Variants in CD99L2 observed in about 807,000 individuals in gnomAD.
CD99L2 encodes the protein CD99 molecule like 2.
A neutral mutation model predicts 27.3 loss-of-function variants in CD99L2; 24 were observed. That is an observed-to-expected ratio of 0.88 (90% CI 0.64 to 1.24). The LOEUF (loss-of-function observed/expected upper bound fraction) is 1.24, where lower values mean the gene tolerates loss of function less well. CD99L2 is among the 50% of genes most tolerant of loss of function. CD99L2 has a pLI of 0.00. For synonymous variants in CD99L2, 97 were observed against 87.9 expected (o/e 1.10, Z -0.58); for missense variants, 255 against 221.6 (o/e 1.15, Z -0.96).
chrX:150,859,642 C>T (rs1457146908), intron 1 of CD99L2, among the ~76,000 whole-genome samples: 1 of 108,746 alleles, frequency 9.2e-6, no homozygotes, highest in Non-Finnish European at 1.9e-5. Context: ...GGATTACAGG[C>T]ACCTGCCACC....
intron 4 of CD99L2, 82 bp from the exon 5 acceptor site, chrX:150,795,568 T>C: frequency 2.1e-6 from 2 of 956,233 alleles, no homozygotes; most frequent in Non-Finnish European, 3.0e-6. Context: ...GGAAGTCACA[T>C]CATGAATATT....
chrX:150,836,902 G>A (rs1405130159), intron 1 of CD99L2, among the ~76,000 whole-genome samples: 1 of 111,937 alleles, frequency 8.9e-6, no homozygotes, highest in African/African-American at 3.3e-5. Flanking sequence ...TAAAAATAAA[G>A]TATTATAATC....
chrX:150,795,547 T>G, intron 4 of CD99L2, 61 bp from the exon 5 acceptor site: 2 of 1,095,186 alleles, frequency 1.8e-6, no homozygotes, highest in South Asian at 1.9e-5. Context: ...CAGCAGCCAT[T>G]CATGGCTCAG....
At chrX:150,894,529 T>C (rs1359218364) in intron 1 of CD99L2, among the ~76,000 whole-genome samples, 1 of 110,493 alleles carries the variant, frequency 9.1e-6, no homozygotes, top group Admixed American at 9.7e-5. Context: ...ACTTGGTGGC[T>C]TGCCAACATG....
chrX:150,878,560 A>G, intron 1 of CD99L2, among the ~76,000 whole-genome samples: 1 of 106,686 alleles, frequency 9.4e-6, no homozygotes, highest in East Asian at 2.9e-4. Context: ...GAAAGAAAAG[A>G]AAAAAAAAAG....
At chrX:150,811,178 G>C (rs1376870096) in intron 4 of CD99L2, among the ~76,000 whole-genome samples, 1 of 111,947 alleles carries the variant, frequency 8.9e-6, no homozygotes, top group African/African-American at 3.2e-5. Flanking sequence ...AAAGATATTT[G>C]ATTTCATTAG....
intron 1 of CD99L2, among the ~76,000 whole-genome samples, chrX:150,880,277 T>C (rs2047306322): frequency 1.8e-5 from 2 of 112,406 alleles, no homozygotes; most frequent in Admixed American, 9.5e-5. Flanking sequence ...TCATAGCAGC[T>C]GCAAAGCAGA....
Position 150,799,156 on chromosome X carries a change from A to T in CD99L2, c.278-3670T>A, listed in dbSNP as rs1234841660. The stretch of plus-strand genomic sequence containing the variant: ...CAAATCTTACATCCAATAAGGGATT[A>T]ATATCCATACTATATAAAGAACTTA... On this transcript the variant is annotated intron_variant, in intron 4 of 10. Coordinates refer to ENST00000370377, the MANE Select transcript of CD99L2 (RefSeq NM_031462.4). Among the ~76,000 whole-genome samples the T allele has an allele frequency of 1.8e-5, 2 of 111,866 alleles. 1 individual carries two copies. Among genetic ancestry groups the T allele is most frequent in the Non-Finnish European group, 3.8e-5 (2 of 53,190 alleles).
At chrX:150,852,977 T>C (rs952783210) in intron 1 of CD99L2, among the ~76,000 whole-genome samples, 8 of 111,755 alleles carry the variant, frequency 7.2e-5, no homozygotes, top group African/African-American at 2.6e-4. Flanking sequence ...AATGACTACT[T>C]TGACAGTAAA....
At chrX:150,869,972 T>C (rs2047130750) in intron 1 of CD99L2, among the ~76,000 whole-genome samples, 2 of 111,367 alleles carry the variant, frequency 1.8e-5, no homozygotes, top group African/African-American at 6.5e-5. Flanking sequence ...ATTTCATAAG[T>C]ATTAATCAGA....
intron 7 of CD99L2, among the ~76,000 whole-genome samples, chrX:150,778,338 C>T (rs782757849): frequency 6.4e-5 from 7 of 109,741 alleles, no homozygotes; most frequent in South Asian, 8.0e-4. Flanking sequence ...TCCCAGAGCC[C>T]GGGGTTCTCA....
At chrX:150,826,679 T>C (rs976791039) in intron 2 of CD99L2, among the ~76,000 whole-genome samples, 1 of 112,018 alleles carries the variant, frequency 8.9e-6, no homozygotes, top group African/African-American at 3.2e-5. Flanking sequence ...AAACAGACTG[T>C]AGTGATGGTT....
At chrX:150,832,831 C>T (rs1247244460) in intron 1 of CD99L2, among the ~76,000 whole-genome samples, 3 of 110,966 alleles carry the variant, frequency 2.7e-5, no homozygotes, top group South Asian at 3.8e-4. Context: ...GGGCAGATCA[C>T]GAGGGCAGGA....
In CD99L2 at chrX:150,817,423, T is replaced by C. The variant is rs1219793088; in HGVS notation, c.131-1345A>G. On this transcript the variant is annotated intron_variant, in intron 2 of 10. Coordinates refer to ENST00000370377, the MANE Select transcript of CD99L2 (RefSeq NM_031462.4). ...ATTAGCAAATAAAAAAAAATAAGTG[T>C]GGTTACTACTGGAAATATTAGGTCT... Among the ~76,000 whole-genome samples, 3 of 110,828 alleles carry C rather than the reference T, an allele frequency of 2.7e-5. No homozygotes were observed. In the East Asian group the frequency reaches 8.4e-4, roughly 31 times the overall value.
chrX:150,859,667 T>G (rs782299880), intron 1 of CD99L2, among the ~76,000 whole-genome samples: 1 of 108,965 alleles, frequency 9.2e-6, no homozygotes, highest in African/African-American at 3.3e-5. Flanking sequence ...CCAGCTAATT[T>G]TTTGTATTTT....
chrX:150,771,572 C>T (rs2043455721), intron 9 of CD99L2, among the ~76,000 whole-genome samples: 1 of 111,457 alleles, frequency 9.0e-6, no homozygotes, highest in Admixed American at 9.4e-5. Flanking sequence ...CACCATGGCA[C>T]CTCAACTCTC....
intron 1 of CD99L2, among the ~76,000 whole-genome samples, chrX:150,897,951 G>C (rs1394458135): frequency 9.2e-6 from 1 of 108,478 alleles, no homozygotes; most frequent in African/African-American, 3.4e-5. Flanking sequence ...TTGATTCAGC[G>C]GGATTTCTCT....
chrX:150,773,755 C>T (rs1407007296), intron 9 of CD99L2, among the ~76,000 whole-genome samples: 3 of 112,430 alleles, frequency 2.7e-5, no homozygotes, highest in African/African-American at 9.7e-5. Context: ...CATCCGGAGT[C>T]CCCTGGAACT....
At chrX:150,838,756 T>C (rs2046572742) in intron 1 of CD99L2, among the ~76,000 whole-genome samples, 2 of 108,797 alleles carry the variant, frequency 1.8e-5, no homozygotes, top group Non-Finnish European at 3.8e-5. Flanking sequence ...GGTCTCACTA[T>C]GTTGCCTAGG....
Sources: allele counts gnomAD v4.1 joint callset (sites outside exome capture counted in the v4.1 genomes callset), GRCh38; gene constraint gnomAD v4.1.1; transcripts MANE v1.5; gene names NCBI Gene and HGNC (gene_info 2026-07-23, HGNC 2026-07-21).